NBEA: variants seen among roughly 807,000 people sequenced by gnomAD.
NBEA encodes the protein neurobeachin.
Under a neutral mutation model 343.4 loss-of-function variants are expected in NBEA, and 44 were observed. That is an observed-to-expected ratio of 0.13 (90% CI 0.10 to 0.16). NBEA has a LOEUF of 0.16. Ranked by LOEUF, NBEA falls within the 10% of genes least tolerant of loss-of-function variation. The pLI, the probability that NBEA is intolerant of heterozygous loss-of-function variation, is 1.00. For missense variants in NBEA, 2,555 were observed against 3,631.3 expected, an observed-to-expected ratio of 0.70 and a Z score of 7.62; for synonymous variants, 1,175 against 1,238.7, an observed-to-expected ratio of 0.95 and a Z score of 1.08.
At chr13:35,525,366 A>G (rs1372492492) in intron 41 of NBEA, among the ~76,000 whole-genome samples, 2 of 152,208 alleles carry the variant, frequency 1.3e-5, no homozygotes, top group Admixed American at 6.5e-5. Flanking sequence ...AGCCTGGCCA[A>G]CATGGCAAAA....
At chr13:35,098,542 AGATTT>A (rs139015501) in intron 11 of NBEA, 137 bp downstream of exon 11, 29,865 of 559,538 alleles carry the variant, frequency 0.053, 1,071 homozygotes, top group Non-Finnish European at 0.066. Context: ...CAAACGTCTT[AGATTT>A]AAGTGTAGAC....
chr13:35,164,429 C>A lies in NBEA; in HGVS notation c.4153C>A (p.Leu1385Ile). Residue 1385 changes from leucine (L) to isoleucine (I), a missense_variant, in exon 24 of 59, where the codon CTC becomes ATC. Leu to Ile is a conservative substitution (Grantham distance 5, BLOSUM62 2). Coordinates refer to ENST00000379939, the MANE Select transcript of NBEA (RefSeq NM_001385012.1). Reference sequence around the variant, plus strand: ...TATTTTTGTACATAACACAATTCACCTCATTTCCCAAATGGTAGACAACAT... The same window carrying A: ...TATTTTTGTACATAACACAATTCACATCATTTCCCAAATGGTAGACAACAT... ...NIIFVHNTIH[L>I]ISQMVDNIII... 2 of 1,606,534 alleles carry A rather than the reference C, an allele frequency of 1.2e-6. No individual in the cohort carries two copies. Among genetic ancestry groups the A allele is most frequent in the Non-Finnish European group, 1.7e-6 (2 of 1,175,762 alleles).
At chr13:35,236,723 T>G (rs1790198525) in intron 34 of NBEA, among the ~76,000 whole-genome samples, 1 of 151,788 alleles carries the variant, frequency 6.6e-6, no homozygotes, top group Middle Eastern at 3.2e-3. Context: ...CCCAGAGTGC[T>G]GGGATTACAG....
intron 35 of NBEA, among the ~76,000 whole-genome samples, chr13:35,302,953 G>A (rs2036647645): frequency 6.6e-6 from 1 of 152,100 alleles, no homozygotes; most frequent in African/African-American, 2.4e-5. Flanking sequence ...CAGCCAGCTG[G>A]TGTTAAACTC....
intron 33 of NBEA, among the ~76,000 whole-genome samples, chr13:35,212,949 T>C (rs927527010): frequency 7.9e-5 from 12 of 152,138 alleles, no homozygotes; most frequent in African/African-American, 2.6e-4. Flanking sequence ...TATATCTTCT[T>C]CCATTTTCTG....
chr13:35,392,451 G>T (rs1442584410), intron 38 of NBEA, among the ~76,000 whole-genome samples: 1 of 150,880 alleles, frequency 6.6e-6, no homozygotes, highest in Non-Finnish European at 1.5e-5. Context: ...CCTAACTTGA[G>T]CCAGTATGTG....
intron 41 of NBEA, among the ~76,000 whole-genome samples, chr13:35,500,644 TC>T (rs148231091): frequency 0.062 from 9,345 of 151,942 alleles, 435 homozygotes; most frequent in Non-Finnish European, 0.095. Context: ...TCTTGAGCAT[TC>T]ATTATTTTTG....
intron 10 of NBEA, among the ~76,000 whole-genome samples, chr13:35,089,291 C>CA (rs1452042013): frequency 2.9e-4 from 43 of 146,792 alleles, no homozygotes; most frequent in African/African-American, 1.1e-3. Context: ...TTTATGCAGC[C>CA]AAAAAACACA....
At chr13:35,568,643 T>A (rs1269031867) in intron 45 of NBEA, among the ~76,000 whole-genome samples, 1 of 152,168 alleles carries the variant, frequency 6.6e-6, no homozygotes, top group African/African-American at 2.4e-5. Context: ...GTATCCTGTA[T>A]CTGAAATGCT....
At chr13:35,582,011 G>T (rs1343242285) in intron 45 of NBEA, among the ~76,000 whole-genome samples, 1 of 152,114 alleles carries the variant, frequency 6.6e-6, no homozygotes, top group African/African-American at 2.4e-5. Flanking sequence ...TTTCGGCCAG[G>T]CATGGTGGCT....
At chr13:35,290,027 G>A (rs570070953) in intron 34 of NBEA, among the ~76,000 whole-genome samples, 20 of 151,718 alleles carry the variant, frequency 1.3e-4, no homozygotes, top group African/African-American at 3.1e-4. Context: ...TGTCATTGGC[G>A]TAATAGCAGC....
intron 34 of NBEA, chr13:35,251,299 T>A: frequency 1.4e-6 from 1 of 708,226 alleles, no homozygotes; most frequent in South Asian, 4.3e-5. Flanking sequence ...TATGCCAGCA[T>A]CCCTGTGCAT....
At chr13:35,496,244 C>A (rs1197767525) in intron 41 of NBEA, among the ~76,000 whole-genome samples, 2 of 151,956 alleles carry the variant, frequency 1.3e-5, no homozygotes, top group Non-Finnish European at 2.9e-5. Context: ...CTCAGCCTCC[C>A]AAGTAGTTGA....
rs1346071401 is a variant in NBEA, at chr13:35,488,143, T to C, written c.6585+15607T>C. Among the ~76,000 whole-genome samples the C allele has an allele frequency of 2.0e-5, 3 of 151,958 alleles. 1 individual carries two copies. Among genetic ancestry groups the C allele is most frequent in the Non-Finnish European group, 2.9e-5 (2 of 67,902 alleles). On this transcript the variant is annotated intron_variant, in intron 41 of 58. Coordinates refer to ENST00000379939, the MANE Select transcript of NBEA (RefSeq NM_001385012.1). ...TGACTTGACTTATAATAATAAGTTA[T>C]ACATCATTATTTTAAGAATCAATAG...
At position 34,942,958 on chromosome 13, in the gene NBEA, G is replaced by A. The variant is rs532800227; in HGVS notation, c.138G>A (p.Arg46=). 2.5e-6 allele frequency: 4 copies of A among 1,599,142 alleles called. No homozygotes were observed. Among genetic ancestry groups the A allele is most frequent in the Non-Finnish European group, 2.6e-6 (3 of 1,173,222 alleles). The change falls in exon 1 of 59, where the codon AGG becomes AGA. Residue 46 remains arginine, a synonymous_variant. Transcript: ENST00000379939. ...GTGGSGMGEL[R]GASGSGSVML... The stretch of plus-strand genomic sequence containing the variant: ...GGGGCAGCGGGATGGGGGAGCTAAG[G>A]GGGGCGTCCGGCTCCGGCTCGGTGA...
chr13:35,627,880 C>G (rs1312401515), intron 48 of NBEA, among the ~76,000 whole-genome samples: 1 of 151,900 alleles, frequency 6.6e-6, no homozygotes, highest in Non-Finnish European at 1.5e-5. Flanking sequence ...TCTGTACTTT[C>G]ATTTAGGTGT....
At chr13:34,958,287 A>G (rs377694829) in intron 1 of NBEA, among the ~76,000 whole-genome samples, 1 of 152,116 alleles carries the variant, frequency 6.6e-6, no homozygotes, top group Admixed American at 6.6e-5. Context: ...AGACAAATTC[A>G]TATTTTACAT....
intron 6 of NBEA, 127 bp downstream of exon 6, chr13:35,050,522 G>T: frequency 1.0e-6 from 1 of 996,092 alleles, no homozygotes; most frequent in Non-Finnish European, 1.4e-6. Flanking sequence ...TCTTATCCTT[G>T]TCTGCATTTC....
chr13:34,999,814 G>T (rs1202500150), intron 1 of NBEA, among the ~76,000 whole-genome samples: 1 of 152,022 alleles, frequency 6.6e-6, no homozygotes, highest in Non-Finnish European at 1.5e-5. Context: ...ACTTGATAAG[G>T]TTATATATCC....
Sources: gnomAD v4.1 joint callset for allele counts (sites outside exome capture counted in the v4.1 genomes callset) on GRCh38, gnomAD v4.1.1 for gene constraint, MANE v1.5 for transcripts, NCBI Gene and HGNC (gene_info 2026-07-23, HGNC 2026-07-21) for gene names.